The following TRIP4 variants were observed in gnomAD, a reference collection of about 807,000 sequenced individuals.
TRIP4 encodes the protein activating signal cointegrator 1.
In TRIP4, 54 loss-of-function variants were observed where a neutral mutation model predicts 81.8. The observed-to-expected ratio is 0.66, with a 90% CI of 0.53 to 0.83. The LOEUF (loss-of-function observed/expected upper bound fraction) is 0.83. Among genes scored for constraint, TRIP4 ranks in the 40% least tolerant of loss-of-function variants. TRIP4 has a pLI of 0.00. For synonymous variants in TRIP4, 270 were observed against 242.8 expected, an observed-to-expected ratio of 1.11 and a Z score of -1.04; for missense variants, 662 against 683.6, an observed-to-expected ratio of 0.97 and a Z score of 0.35.
At chr15:64,447,484 T>G (rs1056117327) in intron 12 of TRIP4, among the ~76,000 whole-genome samples, 9 of 152,240 alleles carry the variant, frequency 5.9e-5, no homozygotes, top group African/African-American at 2.2e-4. Flanking sequence ...GGCTGTACTT[T>G]AAGTAACACT....
chr15:64,407,449 C>T (rs948483486), intron 6 of TRIP4, among the ~76,000 whole-genome samples: 1 of 151,992 alleles, frequency 6.6e-6, no homozygotes, highest in Non-Finnish European at 1.5e-5. Context: ...AGGTGGATCA[C>T]GAGATCAGGA....
At chr15:64,440,576 C>T (rs1480131721) in intron 11 of TRIP4, among the ~76,000 whole-genome samples, 1 of 151,974 alleles carries the variant, frequency 6.6e-6, no homozygotes, top group Non-Finnish European at 1.5e-5. Flanking sequence ...CCTTGTAGGC[C>T]ACTTTGCTTT....
At chr15:64,417,574 T>C (rs1178152433) in intron 8 of TRIP4, among the ~76,000 whole-genome samples, 1 of 152,214 alleles carries the variant, frequency 6.6e-6, no homozygotes, top group African/African-American at 2.4e-5. Flanking sequence ...CCTTTGCCAT[T>C]CTCTGTCTGA....
intron 11 of TRIP4, among the ~76,000 whole-genome samples, chr15:64,438,791 G>C (rs1284241458): frequency 1.3e-5 from 2 of 152,180 alleles, no homozygotes; most frequent in Non-Finnish European, 2.9e-5. Flanking sequence ...TCTAGCATAC[G>C]ATTCCACAGG....
rs375085798 is a variant in TRIP4 at position 64,429,561 on chromosome 15, ACTCT to A, written c.1575+3933_1575+3936del. Among the ~76,000 whole-genome samples, 4 of 152,224 alleles carry A rather than the reference ACTCT, an allele frequency of 2.6e-5. No homozygotes were observed. In the East Asian group the frequency reaches 5.8e-4, roughly 22 times the overall value. ...CCTTAATATGCTAGTGTGGATTATG[ACTCT>A]CTATGAGGTGGATATAACATGCAGT... is the stretch of plus-strand genomic sequence containing the variant. On this transcript the variant is annotated intron_variant, in intron 11 of 12. Transcript: ENST00000261884.
At chr15:64,450,345 C>T (rs1305261657) in intron 12 of TRIP4, among the ~76,000 whole-genome samples, 3 of 143,142 alleles carry the variant, frequency 2.1e-5, no homozygotes, top group Non-Finnish European at 3.0e-5. Flanking sequence ...GTCGAGATGG[C>T]GCCACTGCAC....
In TRIP4 at chr15:64,435,893, GAAAA is replaced by G. The variant is rs36118366; in HGVS notation, c.1576-9102_1576-9099del. Among the ~76,000 whole-genome samples, 4 of 127,588 alleles carry G rather than the reference GAAAA, an allele frequency of 3.1e-5. No homozygotes were observed. In the South Asian group the frequency reaches 1.0e-3, roughly 32 times the overall value. 83.7% of individuals were successfully genotyped at this position (127,588 alleles called of 152,430 possible). ...TCCTGGAATACCATAATGGTAGATTGAAAAAAAAAAAAAACCTGAAGAAAGTAAA... is the reference window on the plus strand; with the variant it reads ...TCCTGGAATACCATAATGGTAGATTGAAAAAAAAAACCTGAAGAAAGTAAA... On this transcript the variant is annotated intron_variant, in intron 11 of 12. Transcript: ENST00000261884.
chr15:64,388,705 C>T (rs1443941143), intron 1 of TRIP4, among the ~76,000 whole-genome samples: 3 of 152,252 alleles, frequency 2.0e-5, no homozygotes, highest in African/African-American at 2.4e-5. Flanking sequence ...GTGGAAGCAG[C>T]GTGGTAGAGT....
At chr15:64,396,159 T>A (rs1294222170) in intron 3 of TRIP4, among the ~76,000 whole-genome samples, 1 of 152,022 alleles carries the variant, frequency 6.6e-6, no homozygotes, top group African/African-American at 2.4e-5. Context: ...TCCACCCACC[T>A]TGGCCTCCCA....
intron 6 of TRIP4, among the ~76,000 whole-genome samples, chr15:64,408,739 A>C (rs193158145): frequency 1.3e-4 from 20 of 152,268 alleles, no homozygotes; most frequent in South Asian, 6.2e-4. Flanking sequence ...CAGGTTTATA[A>C]TATGTAGAAT....
At chr15:64,450,422 A>AG (rs1351828060) in intron 12 of TRIP4, among the ~76,000 whole-genome samples, 1 of 151,262 alleles carries the variant, frequency 6.6e-6, no homozygotes, top group East Asian at 1.9e-4. Flanking sequence ...AAAGAAAGAA[A>AG]GGAAAAAAAA....
intron 9 of TRIP4, among the ~76,000 whole-genome samples, chr15:64,419,604 C>T (rs557664733): frequency 4.3e-4 from 66 of 151,972 alleles, no homozygotes; most frequent in Admixed American, 1.3e-3. Flanking sequence ...GTGATCCGCC[C>T]GCCTCGGCCT....
intron 9 of TRIP4, among the ~76,000 whole-genome samples, chr15:64,423,693 A>C (rs979016506): frequency 9.2e-5 from 14 of 152,156 alleles, no homozygotes; most frequent in Admixed American, 3.3e-4. Flanking sequence ...AATATGATTT[A>C]TATGCCTTGA....
intron 5 of TRIP4, among the ~76,000 whole-genome samples, chr15:64,401,629 T>C (rs1447067500): frequency 2.6e-5 from 4 of 152,106 alleles, no homozygotes; most frequent in Non-Finnish European, 5.9e-5. Context: ...CTACATAACA[T>C]TGAACAGCAA....
intron 12 of TRIP4, among the ~76,000 whole-genome samples, chr15:64,452,148 G>A (rs1456178879): frequency 6.6e-6 from 1 of 151,842 alleles, no homozygotes. Flanking sequence ...GGTTGAGGGG[G>A]GTTTGGTTTT....
chr15:64,394,260 G>A, intron 2 of TRIP4, 145 bp downstream of exon 2: 1 of 677,864 alleles, frequency 1.5e-6, no homozygotes. Context: ...TTTTAGTTCG[G>A]TTCTACTCAA....
intron 11 of TRIP4, among the ~76,000 whole-genome samples, chr15:64,426,889 A>G (rs1288512597): frequency 6.6e-6 from 1 of 151,364 alleles, no homozygotes; most frequent in African/African-American, 2.4e-5. Context: ...AGTCCCAACT[A>G]TTCGGGAGGC....
intron 5 of TRIP4, among the ~76,000 whole-genome samples, chr15:64,405,467 C>T (rs1891603426): frequency 6.6e-6 from 1 of 152,164 alleles, no homozygotes; most frequent in Non-Finnish European, 1.5e-5. Context: ...GGTCTAATTT[C>T]TAACTGTGTG....
At chr15:64,390,034 A>C in intron 1 of TRIP4, among the ~76,000 whole-genome samples, 1 of 148,002 alleles carries the variant, frequency 6.8e-6, no homozygotes, top group Middle Eastern at 3.6e-3. Context: ...AATATGTGTA[A>C]TATATTAAAT....
Sources: gnomAD v4.1 joint callset for allele counts (sites outside exome capture counted in the v4.1 genomes callset) on GRCh38, gnomAD v4.1.1 for gene constraint, MANE v1.5 for transcripts, NCBI Gene and HGNC (gene_info 2026-07-23, HGNC 2026-07-21) for gene names.